TNNI3K: variants seen among roughly 807,000 people sequenced by gnomAD.
TNNI3K encodes serine/threonine-protein kinase TNNI3K.
In TNNI3K, 140 loss-of-function variants were observed where a neutral mutation model predicts 114.5. That is an observed-to-expected ratio of 1.22 (90% CI 1.07 to 1.41). The LOEUF (loss-of-function observed/expected upper bound fraction) is 1.41, where lower values mean the gene tolerates loss of function less well. Ranked by LOEUF, TNNI3K falls within the 40% of genes most tolerant of loss-of-function variation. The probability of loss-of-function intolerance (pLI) is 0.00; values close to 1 mark genes in which losing one functional copy is unlikely to be tolerated. For synonymous variants in TNNI3K, 347 were observed against 347.5 expected (o/e 1.00, Z 0.02); for missense variants, 1,125 against 1,007.6 (o/e 1.12, Z -1.58).
rs565796214 is a variant in TNNI3K, at chr1:74,325,506, T to C, written c.445-5944T>C. Among the ~76,000 whole-genome samples the C allele has an allele frequency of 1.7e-4, 26 of 152,286 alleles. 1 individual carries two copies. The South Asian group carries it at 2.9e-3, about 17-fold the overall frequency. On this transcript the variant is annotated intron_variant, in intron 5 of 24. Transcript: ENST00000326637. ...CCTGGTGACTAAGTCCTGCTTGTGG[T>C]ATAAGAAAACTTATATTCAAAATGA...
intron 17 of TNNI3K, among the ~76,000 whole-genome samples, chr1:74,401,375 G>A (rs1664356405): frequency 6.6e-6 from 1 of 152,026 alleles, no homozygotes. Context: ...ATACTTTACT[G>A]TATAATTCAG....
At chr1:74,446,187 C>A (rs1461201685) in intron 20 of TNNI3K, among the ~76,000 whole-genome samples, 1 of 152,046 alleles carries the variant, frequency 6.6e-6, no homozygotes, top group Admixed American at 6.5e-5. Flanking sequence ...TTCTCCACAT[C>A]CTCTCCAGCA....
At chr1:74,390,346 A>G (rs1001197157) in intron 17 of TNNI3K, among the ~76,000 whole-genome samples, 1 of 152,094 alleles carries the variant, frequency 6.6e-6, no homozygotes, top group Non-Finnish European at 1.5e-5. Context: ...CCTGGACTTT[A>G]TTTTGAGGTA....
intron 17 of TNNI3K, among the ~76,000 whole-genome samples, chr1:74,379,169 G>A (rs1212373513): frequency 2.0e-5 from 3 of 151,810 alleles, no homozygotes; most frequent in African/African-American, 7.3e-5. Flanking sequence ...TCAAAATGTG[G>A]TCCAAGAAGA....
At chr1:74,361,089 C>T (rs181246686) in intron 11 of TNNI3K, among the ~76,000 whole-genome samples, 3 of 152,206 alleles carry the variant, frequency 2.0e-5, no homozygotes, top group East Asian at 1.9e-4. Flanking sequence ...TCTGTTGTCT[C>T]TGTAACTATT....
chr1:74,448,269 A>T (rs1666800520), intron 20 of TNNI3K, among the ~76,000 whole-genome samples: 2 of 124,856 alleles, frequency 1.6e-5, no homozygotes, highest in African/African-American at 3.3e-5. Context: ...ATAAAAAAAA[A>T]AAAAAAAAAA....
At chr1:74,507,442 G>T (rs948521184) in intron 23 of TNNI3K, among the ~76,000 whole-genome samples, 1 of 152,070 alleles carries the variant, frequency 6.6e-6, no homozygotes, top group African/African-American at 2.4e-5. Context: ...ACACACACAT[G>T]CGCACGCACT....
At chr1:74,455,093 T>G (rs887431920) in intron 20 of TNNI3K, among the ~76,000 whole-genome samples, 1 of 151,988 alleles carries the variant, frequency 6.6e-6, no homozygotes, top group African/African-American at 2.4e-5. Flanking sequence ...AAACTACTCA[T>G]AGTATAGAGA....
chr1:74,404,620 A>T (rs1215399451), intron 17 of TNNI3K, among the ~76,000 whole-genome samples: 2 of 152,306 alleles, frequency 1.3e-5, no homozygotes, highest in East Asian at 3.9e-4. Context: ...TGTATTGCTA[A>T]CAAGTTCCCA....
At chr1:74,463,640 T>G in intron 21 of TNNI3K, 90 bp downstream of exon 21, 4 of 1,440,994 alleles carry the variant, frequency 2.8e-6, no homozygotes, top group Non-Finnish European at 2.9e-6. Flanking sequence ...TCAGTGTGTA[T>G]TTTAAGACTG....
rs1017786028 is a variant in TNNI3K at position 74,436,388 on chromosome 1, C to G, written c.1826-86C>G. On this transcript the variant is annotated intron_variant, in intron 18 of 24. Coordinates refer to ENST00000326637, the MANE Select transcript of TNNI3K (RefSeq NM_015978.3). ...GAGAATTTGAATAAGACAGAAGTCTCTTGAGGTTTCAAAATTTTAACTGTG... is the reference window on the plus strand; with the variant it reads ...GAGAATTTGAATAAGACAGAAGTCTGTTGAGGTTTCAAAATTTTAACTGTG... 2.8e-6 allele frequency: 4 copies of G among 1,425,752 alleles called. No individual in the cohort carries two copies. The African/African-American group carries it at 5.9e-5, about 21-fold the overall frequency. 88.3% of individuals were successfully genotyped at this position (1,425,752 alleles called of 1,614,324 possible).
In TNNI3K at chr1:74,320,088, G is replaced by A. The variant is rs189823267; in HGVS notation, c.445-11362G>A. Among the ~76,000 whole-genome samples, 109 of 152,216 alleles carry A rather than the reference G, an allele frequency of 7.2e-4. 2 individuals are homozygous for A. Among genetic ancestry groups the A allele is most frequent in the African/African-American group, 2.1e-3 (86 of 41,532 alleles). ...TTTCTGAAGCCAAAACTACTTGGGC[G>A]CGTGTGATATTGTGCTTCTTTTTAT... On this transcript the variant is annotated intron_variant, in intron 5 of 24. Transcript: ENST00000326637.
chr1:74,329,988 G>A (rs1030393348), intron 5 of TNNI3K, among the ~76,000 whole-genome samples: 21 of 152,004 alleles, frequency 1.4e-4, no homozygotes, highest in African/African-American at 4.1e-4. Flanking sequence ...ATTTCAAAAT[G>A]TGTAATATTT....
At chr1:74,350,886 A>G (rs1022151676) in intron 9 of TNNI3K, among the ~76,000 whole-genome samples, 1 of 151,748 alleles carries the variant, frequency 6.6e-6, no homozygotes, top group Non-Finnish European at 1.5e-5. Flanking sequence ...GGTTTCCTGA[A>G]TACAGCACAC....
chr1:74,508,604 G>T (rs534637871), intron 23 of TNNI3K, among the ~76,000 whole-genome samples: 77 of 152,280 alleles, frequency 5.1e-4, no homozygotes, highest in Non-Finnish European at 9.8e-4. Flanking sequence ...AGGATAAGTA[G>T]CGAATCAGTC....
intron 4 of TNNI3K, among the ~76,000 whole-genome samples, chr1:74,254,476 G>T (rs114282725): frequency 6.6e-6 from 1 of 151,936 alleles, no homozygotes; most frequent in South Asian, 2.1e-4. Context: ...TTTCTCACCC[G>T]ATCCTTGTAT....
At chr1:74,517,252 T>C (rs1182204686) in intron 23 of TNNI3K, among the ~76,000 whole-genome samples, 1 of 152,146 alleles carries the variant, frequency 6.6e-6, no homozygotes, top group Non-Finnish European at 1.5e-5. Context: ...AGACAACTGG[T>C]TTATTATATT....
intron 17 of TNNI3K, among the ~76,000 whole-genome samples, chr1:74,419,457 T>C (rs1665288707): frequency 6.6e-6 from 1 of 152,118 alleles, no homozygotes; most frequent in African/African-American, 2.4e-5. Context: ...CTTACTACAC[T>C]ATCCATGCTA....
At chr1:74,281,261 A>T (rs1173054014) in intron 5 of TNNI3K, among the ~76,000 whole-genome samples, 4 of 151,846 alleles carry the variant, frequency 2.6e-5, no homozygotes, top group African/African-American at 9.7e-5. Flanking sequence ...AGCTATAGGA[A>T]AGTAATTTAT....
Sources: gnomAD v4.1 joint callset for allele counts (sites outside exome capture counted in the v4.1 genomes callset) on GRCh38, gnomAD v4.1.1 for gene constraint, MANE v1.5 for transcripts, NCBI Gene and HGNC (gene_info 2026-07-23, HGNC 2026-07-21) for gene names.